NDEL1: variants seen among roughly 807,000 people sequenced by gnomAD.
NDEL1 encodes the protein nudE neurodevelopment protein 1 like 1.
A neutral mutation model predicts 45.7 loss-of-function variants in NDEL1; 9 were observed. The observed-to-expected ratio is 0.20, with a 90% confidence interval of 0.12 to 0.34. The LOEUF (loss-of-function observed/expected upper bound fraction) is 0.34, where lower values mean the gene tolerates loss of function less well. Among genes scored for constraint, NDEL1 ranks in the 10% least tolerant of loss-of-function variants. The pLI, the probability that NDEL1 is intolerant of heterozygous loss-of-function variation, is 1.00. For missense variants in NDEL1, 306 were observed against 406.2 expected (o/e 0.75, Z 2.12); for synonymous variants, 133 against 158.6 (o/e 0.84, Z 1.21).
At chr17:8,463,134 GTC>G (rs1911325900) in intron 8 of NDEL1, 7 of 498,964 alleles carry the variant, frequency 1.4e-5, no homozygotes, top group Non-Finnish European at 1.8e-5. Flanking sequence ...GTCGCTTGGA[GTC>G]TCTCAAAAAC....
At chr17:8,444,147 C>T (rs938800389) in intron 1 of NDEL1, 113 bp from the exon 2 acceptor site, 1 of 662,758 alleles carries the variant, frequency 1.5e-6, no homozygotes, top group Non-Finnish European at 2.6e-6. Flanking sequence ...ACTGGAATCT[C>T]TCATGTTTTA....
At position 8,435,910 on chromosome 17, in the gene NDEL1, G is replaced by A. The variant is rs1472013287; in HGVS notation, c.-148G>A. The A allele has an allele frequency of 3.6e-5, 16 of 448,030 alleles. No homozygotes were observed. The highest frequency in any genetic ancestry group is 2.3e-4 in the South Asian group (15 of 64,160). The allele number at this position is 448,030 out of a possible 1,614,324, so 27.8% of individuals were successfully genotyped here. On this transcript the variant is annotated 5_prime_UTR_variant, in exon 1 of 9. Coordinates refer to ENST00000334527, the MANE Select transcript of NDEL1 (RefSeq NM_030808.5). ...GTCCCTGACGTGTCGGGGAGGAGCCGGGCGCGGAGGTACGCTGAGTGGAGC... is the reference window on the plus strand; with the variant it reads ...GTCCCTGACGTGTCGGGGAGGAGCCAGGCGCGGAGGTACGCTGAGTGGAGC...
At chr17:8,470,740 C>T (rs1204441147), downstream of NDEL1, among the ~76,000 whole-genome samples, 1 of 152,248 alleles carries the variant, frequency 6.6e-6, no homozygotes, top group East Asian at 1.9e-4. This position sits in a 1 kb window ranked among gnomAD's most constrained non-coding sequence, Gnocchi z 4.2. Flanking sequence ...CTGGCCTTGA[C>T]TCCCACGCTC....
chr17:8,463,917 G>A (rs1039255249), intron 8 of NDEL1, among the ~76,000 whole-genome samples: 1 of 152,224 alleles, frequency 6.6e-6, no homozygotes, highest in African/African-American at 2.4e-5. Context: ...GAGCTGCTCT[G>A]AGCCCACACT....
intron 6 of NDEL1, among the ~76,000 whole-genome samples, chr17:8,451,869 A>G (rs1241835498): frequency 1.3e-5 from 2 of 152,282 alleles, no homozygotes; most frequent in African/African-American, 4.8e-5. Context: ...CAACTAGTAC[A>G]GTGAGCTCTC....
chr17:8,422,608 A>G (rs1202073368), intron 1 of NDEL1, among the ~76,000 whole-genome samples: 1 of 152,208 alleles, frequency 6.6e-6, no homozygotes, highest in African/African-American at 2.4e-5. Context: ...TCTGCAATTC[A>G]GTGTTTATGA....
chr17:8,472,283 T>C (rs373829546), downstream of NDEL1, among the ~76,000 whole-genome samples: 15 of 152,268 alleles, frequency 9.9e-5, no homozygotes, highest in Admixed American at 5.9e-4. Flanking sequence ...CAGGAAAAAT[T>C]GGTGACACAA....
At chr17:8,454,773 A>G in intron 6 of NDEL1, 23 bp from the exon 7 acceptor site, 1 of 1,579,754 alleles carries the variant, frequency 6.3e-7, no homozygotes, top group Non-Finnish European at 8.7e-7. Context: ...AAGTGTAATC[A>G]CTCAGCTTTT....
At chr17:8,461,765 T>C (rs1362942783) in intron 8 of NDEL1, among the ~76,000 whole-genome samples, 1 of 152,164 alleles carries the variant, frequency 6.6e-6, no homozygotes, top group Non-Finnish European at 1.5e-5. Context: ...AAGCAGTGCC[T>C]AATTATTTTT....
At chr17:8,429,273 C>G (rs1024341620) in intron 1 of NDEL1, among the ~76,000 whole-genome samples, 6 of 152,190 alleles carry the variant, frequency 3.9e-5, no homozygotes, top group African/African-American at 1.4e-4. Context: ...TTCATTCTTT[C>G]ACTTTCGTTG....
chr17:8,421,359 A>G (rs1319800051), intron 1 of NDEL1, among the ~76,000 whole-genome samples: 1 of 152,136 alleles, frequency 6.6e-6, no homozygotes, highest in Non-Finnish European at 1.5e-5. Flanking sequence ...AAGGCTTTTG[A>G]GATGGGGGGA....
At chr17:8,447,982 C>CGGGGGGGGGGGGGGGGGGAGGGGGG (rs34891973) in intron 4 of NDEL1, among the ~76,000 whole-genome samples, 1 of 107,714 alleles carries the variant, frequency 9.3e-6, no homozygotes, top group Non-Finnish European at 1.9e-5. Flanking sequence ...GGGAGGTGGG[C>CGGGGGGGGGGGGGGGGGGAGGGGGG]GGGGGGGGGG....
chr17:8,448,859 CTG>C (rs1567734033), intron 5 of NDEL1, among the ~76,000 whole-genome samples, 173 bp downstream of exon 5: 1 of 152,170 alleles, frequency 6.6e-6, no homozygotes, highest in Admixed American at 6.5e-5. Context: ...TACGGGCTGA[CTG>C]TGGGACTTCA....
intron 1 of NDEL1, among the ~76,000 whole-genome samples, chr17:8,419,338 C>T (rs1179258853): frequency 2.0e-5 from 3 of 152,084 alleles, no homozygotes; most frequent in African/African-American, 7.2e-5. Flanking sequence ...CAGAGATAAC[C>T]ACCACTTATA....
chr17:8,433,612 T>C (rs1238024687), upstream of NDEL1, among the ~76,000 whole-genome samples: 3 of 152,336 alleles, frequency 2.0e-5, no homozygotes, highest in African/African-American at 7.2e-5. Context: ...TTATCTTTCT[T>C]GGTGCTTCAA....
chr17:8,469,861 A>ATTTTTTTTT (rs762773754), downstream of NDEL1, among the ~76,000 whole-genome samples: 5 of 128,650 alleles, frequency 3.9e-5, no homozygotes, highest in Admixed American at 8.0e-5. Context: ...TGCCTGGCTA[A>ATTTTTTTTT]TTTTTTTTTT....
intron 1 of NDEL1, among the ~76,000 whole-genome samples, chr17:8,442,155 CT>C (rs1433303102): frequency 2.0e-5 from 3 of 152,120 alleles, no homozygotes; most frequent in Non-Finnish European, 4.4e-5. Context: ...ACTCCCTATT[CT>C]TTGATGTGGA....
intron 7 of NDEL1, among the ~76,000 whole-genome samples, chr17:8,457,426 G>C (rs1910914928): frequency 2.0e-5 from 3 of 152,104 alleles, no homozygotes; most frequent in African/African-American, 4.8e-5. Context: ...TCCTTGTATG[G>C]TTTACACATT....
chr17:8,425,010 C>T lies in NDEL1; in HGVS notation c.-13+11741C>T, dbSNP rs144983569. On this transcript the variant is annotated intron_variant, in intron 1 of 4. Coordinates refer to the NDEL1 transcript ENST00000582812. ...GTGTTTGATACAGGCTGCTAAACTG[C>T]TTACCAAGAACTGTGACATCCTCCT... Among the ~76,000 whole-genome samples the T allele has an allele frequency of 5.5e-4, 83 of 152,290 alleles. 1 individual carries two copies. The highest frequency in any genetic ancestry group is 1.9e-3 in the African/African-American group (77 of 41,544).
Sources: gnomAD v4.1 joint callset for allele counts (sites outside exome capture counted in the v4.1 genomes callset) on GRCh38, gnomAD v4.1.1 for gene constraint, Gnocchi (gnomAD v3.1) non-coding constraint, MANE v1.5 for transcripts, NCBI Gene and HGNC (gene_info 2026-07-23, HGNC 2026-07-21) for gene names.